The following SLC8A1 variants were observed in gnomAD, a reference collection of about 807,000 sequenced individuals.
The protein encoded by SLC8A1 is sodium/calcium exchanger 1.
A neutral mutation model predicts 68.3 loss-of-function variants in SLC8A1; 18 were observed. That is an observed-to-expected ratio of 0.26 (90% confidence interval 0.18 to 0.39). The LOEUF is 0.39. Among genes scored for constraint, SLC8A1 ranks in the 10% least tolerant of loss-of-function variants. The pLI, the probability that SLC8A1 is intolerant of heterozygous loss-of-function variation, is 1.00. For synonymous variants in SLC8A1, 475 were observed against 415.5 expected (o/e 1.14, Z -1.74); for missense variants, 985 against 1,156.7 (o/e 0.85, Z 2.15).
chr2:40,402,343 C>T (rs1688996928), intron 2 of SLC8A1, among the ~76,000 whole-genome samples: 1 of 152,154 alleles, frequency 6.6e-6, no homozygotes. Flanking sequence ...CACCCCTTTG[C>T]CAAAAACTCA....
intron 1 of SLC8A1, among the ~76,000 whole-genome samples, chr2:40,479,617 A>T (rs1704502858): frequency 6.6e-6 from 1 of 152,158 alleles, no homozygotes; most frequent in Admixed American, 6.5e-5. Context: ...AAAATATTTC[A>T]GGGGTGGTAA....
intron 2 of SLC8A1, among the ~76,000 whole-genome samples, chr2:40,392,355 G>T (rs1685582923): frequency 6.6e-6 from 1 of 152,132 alleles, no homozygotes; most frequent in East Asian, 1.9e-4. Context: ...TTCCCACTAG[G>T]CATTACTCAA....
intron 2 of SLC8A1, among the ~76,000 whole-genome samples, chr2:40,249,377 T>C (rs969756392): frequency 2.0e-5 from 3 of 152,216 alleles, no homozygotes; most frequent in African/African-American, 7.2e-5. Flanking sequence ...AAAAAAAGGA[T>C]AGAAACAAAG....
intron 2 of SLC8A1, among the ~76,000 whole-genome samples, chr2:40,349,480 T>C (rs565840019): frequency 1.1e-4 from 17 of 152,320 alleles, no homozygotes; most frequent in Non-Finnish European, 2.4e-4. Context: ...GACACAAATA[T>C]GAATCCTGCT....
intron 1 of SLC8A1, among the ~76,000 whole-genome samples, chr2:40,446,114 G>C (rs1345391375): frequency 6.6e-6 from 1 of 152,096 alleles, no homozygotes; most frequent in Non-Finnish European, 1.5e-5. Context: ...ATAACCATTT[G>C]GTGCTAAAGA....
chr2:40,121,208 C>A (rs368753260), intron 7 of SLC8A1, among the ~76,000 whole-genome samples: 5 of 152,128 alleles, frequency 3.3e-5, no homozygotes, highest in Non-Finnish European at 7.3e-5. Context: ...TCTCTGAGGA[C>A]GGGATACAGA....
chr2:40,510,314 T>A (rs561925092), intron 1 of SLC8A1, among the ~76,000 whole-genome samples: 65 of 152,312 alleles, frequency 4.3e-4, no homozygotes, highest in African/African-American at 1.5e-3. Flanking sequence ...TGACATAGTA[T>A]ATACAAAATT....
chr2:40,396,418 C>T (rs1472710805), intron 2 of SLC8A1, among the ~76,000 whole-genome samples: 1 of 152,044 alleles, frequency 6.6e-6, no homozygotes, highest in African/African-American at 2.4e-5. Context: ...ATTCTGCTGC[C>T]AGTAATAATA....
At chr2:40,155,298 TTTTTGTA>T (rs2044268767) in intron 6 of SLC8A1, among the ~76,000 whole-genome samples, 1 of 151,878 alleles carries the variant, frequency 6.6e-6, no homozygotes, top group Admixed American at 6.6e-5. Context: ...CCTGGCTAAT[TTTTTGTA>T]TTTTAAGTAG....
At chr2:40,276,661 T>C (rs1157564755) in intron 2 of SLC8A1, among the ~76,000 whole-genome samples, 5 of 152,230 alleles carry the variant, frequency 3.3e-5, no homozygotes, top group Non-Finnish European at 7.3e-5. Context: ...GTACTCTTCT[T>C]TCCTTGACTT....
intron 7 of SLC8A1, among the ~76,000 whole-genome samples, chr2:40,136,384 T>G (rs2040499812): frequency 6.6e-6 from 1 of 152,192 alleles, no homozygotes; most frequent in African/African-American, 2.4e-5. Flanking sequence ...CCCCATACAT[T>G]TTGAATAGTA....
In SLC8A1 at chr2:40,111,613, A is replaced by AT. The variant is rs566504331; in HGVS notation, c.*3639dup. ...TAAGTACACAAACCTTAGAGGTCAC[A>AT]TTTTTTCCCCACAAATGCTTATTCC... On this transcript the variant is annotated 3_prime_UTR_variant, in exon 8 of 8. Transcript: ENST00000406785. 19 of 152,248 alleles carry AT rather than the reference A, an allele frequency of 1.2e-4. No individual in the cohort carries two copies. In the East Asian group the frequency reaches 2.5e-3, roughly 20 times the overall value. The allele number at this position is 152,248 out of a possible 1,614,324, so 9.4% of individuals were successfully genotyped here. A position where few individuals can be genotyped will look rare whatever the true frequency, so the allele number is the denominator to read the frequency against.
At chr2:40,478,175 T>C (rs1345401576) in intron 1 of SLC8A1, among the ~76,000 whole-genome samples, 2 of 152,148 alleles carry the variant, frequency 1.3e-5, no homozygotes, top group African/African-American at 4.8e-5. Context: ...AAAACCCTTG[T>C]TCACCCAGTT....
chr2:40,282,398 G>A (rs1645460648), intron 2 of SLC8A1, among the ~76,000 whole-genome samples: 1 of 152,092 alleles, frequency 6.6e-6, no homozygotes, highest in Non-Finnish European at 1.5e-5. Flanking sequence ...TGTCTCTTCT[G>A]TATCTCTGTA....
chr2:40,273,916 T>G (rs1188114775), intron 2 of SLC8A1, among the ~76,000 whole-genome samples: 1 of 150,700 alleles, frequency 6.6e-6, no homozygotes, highest in African/African-American at 2.4e-5. Flanking sequence ...AGCCTCTCTC[T>G]TGACCAGGGA....
chr2:40,115,216 A>G (rs1468028457), exon 8 of SLC8A1: 5 of 1,387,710 alleles, frequency 3.6e-6, no homozygotes, highest in Non-Finnish European at 4.8e-6. Flanking sequence ...ATGTATATAT[A>G]TGTATATATA....
At chr2:40,282,966 T>C (rs1291495804) in intron 2 of SLC8A1, among the ~76,000 whole-genome samples, 2 of 152,168 alleles carry the variant, frequency 1.3e-5, no homozygotes, top group African/African-American at 4.8e-5. Context: ...TCCTGACTTA[T>C]TAAAGGTTCT....
At chr2:40,337,963 G>A (rs1666512058) in intron 2 of SLC8A1, among the ~76,000 whole-genome samples, 1 of 152,126 alleles carries the variant, frequency 6.6e-6, no homozygotes, top group Admixed American at 6.5e-5. Context: ...AAAGGGTGTT[G>A]AGGCAGAGAG....
intron 2 of SLC8A1, among the ~76,000 whole-genome samples, chr2:40,400,586 G>A (rs1338799153): frequency 6.6e-6 from 1 of 152,148 alleles, no homozygotes; most frequent in Non-Finnish European, 1.5e-5. Flanking sequence ...GGAGGAAAGG[G>A]GAGAAGGAGA....
Sources: allele counts gnomAD v4.1 joint callset (sites outside exome capture counted in the v4.1 genomes callset), GRCh38; gene constraint gnomAD v4.1.1; transcripts MANE v1.5; gene names NCBI Gene and HGNC (gene_info 2026-07-23, HGNC 2026-07-21).